The following STARD13 variants were observed in gnomAD, a reference collection of about 807,000 sequenced individuals.
STARD13 encodes the protein StAR related lipid transfer domain containing 13, also known as stAR-related lipid transfer protein 13.
In STARD13, 62 loss-of-function variants were observed where a neutral mutation model predicts 106.4. The observed-to-expected ratio is 0.58, with a 90% CI of 0.48 to 0.72. The LOEUF (loss-of-function observed/expected upper bound fraction) is 0.72. STARD13 is among the 30% of genes least tolerant of loss of function. STARD13 has a pLI of 0.00. For missense variants in STARD13, 1,387 were observed against 1,424.0 expected (o/e 0.97, Z 0.42); for synonymous variants, 565 against 553.0 (o/e 1.02, Z -0.31).
At chr13:33,453,778 A>T in the STARD13 span, among the ~76,000 whole-genome samples, 1 of 152,242 alleles carries the variant, frequency 6.6e-6, no homozygotes, top group Non-Finnish European at 1.5e-5. Context: ...TTTTTAAAAA[A>T]GAGTGTGTAA....
chr13:33,241,933 A>G lies in STARD13; in HGVS notation c.169+43537T>C, dbSNP rs370538147. On this transcript the variant is annotated intron_variant, in intron 1 of 13. Coordinates refer to ENST00000336934, the MANE Select transcript of STARD13 (RefSeq NM_178006.4). Reference sequence around the variant, plus strand: ...CGCCTGCCTTGGCCTCCCAAAGTGCAGAGATTGCAGCCTCTGTCCGGCCGC... The same window carrying G: ...CGCCTGCCTTGGCCTCCCAAAGTGCGGAGATTGCAGCCTCTGTCCGGCCGC... Among the ~76,000 whole-genome samples the G allele has an allele frequency of 4.6e-5, 7 of 152,298 alleles. No homozygotes were observed. The East Asian group carries it at 1.4e-3, about 29-fold the overall frequency.
the STARD13 span, among the ~76,000 whole-genome samples, chr13:33,522,462 T>C: frequency 1.3e-5 from 2 of 152,102 alleles, no homozygotes; most frequent in South Asian, 4.1e-4. Flanking sequence ...TTGACAAATG[T>C]AGAATGACAT....
At chr13:33,368,228 C>G in the STARD13 span, among the ~76,000 whole-genome samples, 12 of 152,194 alleles carry the variant, frequency 7.9e-5, no homozygotes, top group African/African-American at 2.9e-4. Context: ...CCTCCTCGAT[C>G]CTGGCCCAGT....
At chr13:33,653,972 C>T in the STARD13 span, among the ~76,000 whole-genome samples, 2 of 152,138 alleles carry the variant, frequency 1.3e-5, no homozygotes, top group Admixed American at 6.6e-5. Context: ...ATCAAAACCA[C>T]AATGAGATAC....
chr13:33,353,609 C>T (rs182994572), upstream of STARD13, among the ~76,000 whole-genome samples: 175 of 152,264 alleles, frequency 1.1e-3, no homozygotes, highest in Middle Eastern at 3.4e-3. Flanking sequence ...CCTCCCTAGA[C>T]GATTGCATTG....
chr13:33,397,817 T>G, the STARD13 span, among the ~76,000 whole-genome samples: 1 of 152,178 alleles, frequency 6.6e-6, no homozygotes, highest in African/African-American at 2.4e-5. Flanking sequence ...ATCAAGATAA[T>G]GGCAGATTCA....
the STARD13 span, among the ~76,000 whole-genome samples, chr13:33,590,794 A>T: frequency 6.6e-6 from 1 of 152,148 alleles, no homozygotes; most frequent in Non-Finnish European, 1.5e-5. Flanking sequence ...AATATGGCAC[A>T]TGTATACATA....
intron 1 of STARD13, among the ~76,000 whole-genome samples, chr13:33,308,537 T>TGAG (rs1893010152): frequency 1.4e-5 from 2 of 146,324 alleles, no homozygotes; most frequent in African/African-American, 5.0e-5. Flanking sequence ...TTTTTTTTTT[T>TGAG]TTTGAGTTTG....
At chr13:33,250,349 T>G (rs1890039286) in intron 1 of STARD13, among the ~76,000 whole-genome samples, 1 of 152,178 alleles carries the variant, frequency 6.6e-6, no homozygotes, top group African/African-American at 2.4e-5. Context: ...GAATAAGAAT[T>G]AAGTGTGTGT....
chr13:33,181,260 TCACACATACATA>T (rs1885202665), intron 1 of STARD13, among the ~76,000 whole-genome samples: 2 of 112,154 alleles, frequency 1.8e-5, no homozygotes, highest in Non-Finnish European at 1.8e-5. Flanking sequence ...TGTCTTTCAC[TCACACATACATA>T]CACACACACA....
rs1212081888 is a variant in STARD13, at chr13:33,106,148, G to A, written c.3225-438C>T. On this transcript the variant is annotated intron_variant, in intron 13 of 13. Transcript: ENST00000336934. ...ATAAAAGAAATACATGGTCGAGCAC[G>A]GTGGCTCATGTCTGTAGTCCCAGCA... Among the ~76,000 whole-genome samples the A allele has an allele frequency of 8.5e-5, 13 of 152,364 alleles. No individual in the cohort carries two copies. In the South Asian group the frequency reaches 1.2e-3, roughly 15 times the overall value.
At chr13:33,113,203 T>C in intron 8 of STARD13, 1 of 486,246 alleles carries the variant, frequency 2.1e-6, no homozygotes. Context: ...GGCACCACCA[T>C]CCTGGTTTTC....
the STARD13 span, among the ~76,000 whole-genome samples, chr13:33,514,375 T>C: frequency 1.3e-5 from 2 of 151,954 alleles, no homozygotes; most frequent in Admixed American, 1.3e-4. Context: ...CTCAGGGAAA[T>C]AACTCATCGA....
intron 1 of STARD13, among the ~76,000 whole-genome samples, chr13:33,338,742 G>A (rs1053230906): frequency 3.3e-5 from 5 of 151,994 alleles, no homozygotes; most frequent in African/African-American, 1.2e-4. Context: ...AAATTAGCCA[G>A]GCGTGGTGGC....
chr13:33,274,640 A>G (rs1459934496), intron 1 of STARD13, among the ~76,000 whole-genome samples: 4 of 152,066 alleles, frequency 2.6e-5, no homozygotes, highest in Non-Finnish European at 1.5e-5. Flanking sequence ...TGATCCGTTC[A>G]CCCCTTACAT....
chr13:33,510,733 G>A, the STARD13 span, among the ~76,000 whole-genome samples: 3 of 152,282 alleles, frequency 2.0e-5, no homozygotes, highest in African/African-American at 7.2e-5. Flanking sequence ...ATTGTGGGGA[G>A]AGCCTGCCCA....
intron 7 of STARD13, among the ~76,000 whole-genome samples, chr13:33,121,986 C>A (rs1290277654): frequency 6.6e-6 from 1 of 152,154 alleles, no homozygotes; most frequent in Non-Finnish European, 1.5e-5. Context: ...GCTGGGATTA[C>A]AGGCACCTGC....
At chr13:33,269,215 A>G (rs1891043540) in intron 1 of STARD13, among the ~76,000 whole-genome samples, 1 of 152,230 alleles carries the variant, frequency 6.6e-6, no homozygotes, top group Admixed American at 6.5e-5. Flanking sequence ...TTCCCTAAAA[A>G]CTACCATCAT....
At chr13:33,380,121 C>T in the STARD13 span, among the ~76,000 whole-genome samples, 1 of 152,268 alleles carries the variant, frequency 6.6e-6, no homozygotes, top group African/African-American at 2.4e-5. Context: ...CGCGGTGGCT[C>T]ATGCCTGTAA....
Sources: allele counts gnomAD v4.1 joint callset (sites outside exome capture counted in the v4.1 genomes callset), GRCh38; gene constraint gnomAD v4.1.1; transcripts MANE v1.5; gene names NCBI Gene and HGNC (gene_info 2026-07-23, HGNC 2026-07-21).